The following IFT140 variants were observed in gnomAD, a reference collection of about 807,000 sequenced individuals.
IFT140 encodes the protein intraflagellar transport 140, also known as intraflagellar transport protein 140 homolog.
IFT140 carries 133 observed loss-of-function variants against 164.6 expected under a neutral mutation model. That is an observed-to-expected ratio of 0.81 (90% CI 0.70 to 0.93). IFT140 has a LOEUF of 0.93. Among genes scored for constraint, IFT140 ranks in the 40% least tolerant of loss-of-function variants. The probability of loss-of-function intolerance (pLI) is 0.00; values close to 1 mark genes in which losing one functional copy is unlikely to be tolerated. For synonymous variants in IFT140, 860 were observed against 817.3 expected, an observed-to-expected ratio of 1.05 and a Z score of -0.89; for missense variants, 2,045 against 1,972.3, an observed-to-expected ratio of 1.04 and a Z score of -0.70.
chr16:1,554,590 C>T (rs1596355713), intron 19 of IFT140, among the ~76,000 whole-genome samples: 1 of 152,142 alleles, frequency 6.6e-6, no homozygotes, highest in East Asian at 1.9e-4. Context: ...CCAGGGCAGC[C>T]GCCCCGTAAA....
At chr16:1,527,792 C>T (rs1404978374) in intron 19 of IFT140, among the ~76,000 whole-genome samples, 1 of 152,210 alleles carries the variant, frequency 6.6e-6, no homozygotes, top group Non-Finnish European at 1.5e-5. Context: ...AGGCTGGTCT[C>T]GAACTTCTGA....
intron 2 of IFT140, among the ~76,000 whole-genome samples, chr16:1,609,773 A>C (rs1041241066): frequency 2.6e-5 from 4 of 152,222 alleles, no homozygotes; most frequent in Non-Finnish European, 5.9e-5. Context: ...AGTTAACACA[A>C]GGAGGAGAGA....
intron 7 of IFT140, 99 bp downstream of exon 7, chr16:1,589,506 T>C: frequency 7.9e-7 from 1 of 1,264,408 alleles, no homozygotes; most frequent in South Asian, 1.4e-5. Flanking sequence ...TAGGCTTTTT[T>C]TCAGTCTTGC....
At chr16:1,606,506 G>A (rs376736727) in intron 3 of IFT140, among the ~76,000 whole-genome samples, 1 of 152,192 alleles carries the variant, frequency 6.6e-6, no homozygotes, top group Admixed American at 6.5e-5. Flanking sequence ...TGTTGCCCAG[G>A]CTGGAGCGCA....
intron 12 of IFT140, among the ~76,000 whole-genome samples, chr16:1,582,198 T>G (rs552138275): frequency 4.8e-4 from 73 of 152,276 alleles, no homozygotes; most frequent in African/African-American, 1.6e-3. Flanking sequence ...TGAATATTAC[T>G]TTATATGGCA....
intron 4 of IFT140, among the ~76,000 whole-genome samples, chr16:1,594,087 T>C (rs1378427795): frequency 6.6e-6 from 1 of 152,246 alleles, no homozygotes; most frequent in Admixed American, 6.5e-5. Context: ...ATGTATTCTG[T>C]TGCTCACATT....
intron 1 of IFT140, among the ~76,000 whole-genome samples, chr16:1,611,537 G>A (rs928711941): frequency 2.0e-5 from 3 of 149,702 alleles, no homozygotes; most frequent in Non-Finnish European, 3.0e-5. Flanking sequence ...AATTTGAGCC[G>A]GGCGCGGTGG....
intron 6 of IFT140, among the ~76,000 whole-genome samples, chr16:1,590,063 T>A (rs1372505434): frequency 6.6e-6 from 1 of 151,782 alleles, no homozygotes; most frequent in Non-Finnish European, 1.5e-5. Flanking sequence ...CAGGCGGGCG[T>A]GGTGGTATGT....
In IFT140 at chr16:1,534,607, A is replaced by C. The variant is rs768319235; in HGVS notation, c.2400-7811T>G. On this transcript the variant is annotated intron_variant, in intron 19 of 30. Coordinates refer to ENST00000426508, the MANE Select transcript of IFT140 (RefSeq NM_014714.4). Reference sequence around the variant, plus strand: ...TTCAGCGTGGCCGAGGCTCGAGGGCACATGGGAGATGTTAGGCGCGGACCT... The same window carrying C: ...TTCAGCGTGGCCGAGGCTCGAGGGCCCATGGGAGATGTTAGGCGCGGACCT... The C allele has an allele frequency of 8.2e-6, 13 of 1,594,436 alleles. 1 individual carries two copies. In the South Asian group the frequency reaches 1.1e-4, roughly 13 times the overall value.
intron 14 of IFT140, among the ~76,000 whole-genome samples, chr16:1,568,805 A>T (rs1005824878): frequency 3.9e-5 from 6 of 152,138 alleles, no homozygotes; most frequent in Admixed American, 3.3e-4. Context: ...GCCGTTCTAT[A>T]CCTGGAGTTT....
intron 6 of IFT140, 77 bp from the exon 7 acceptor site, chr16:1,589,857 C>G: frequency 7.6e-7 from 1 of 1,323,714 alleles, no homozygotes. Flanking sequence ...GCAGCCATTT[C>G]TATCAACTTA....
rs143739646 is a variant in IFT140, at chr16:1,567,670, G to A, written c.1770+547C>T. The stretch of plus-strand genomic sequence containing the variant: ...GATCAGTCACGGCCCTTGAACAAGC[G>A]AATGAACAAGGGAACCCGCACCAGC... On this transcript the variant is annotated intron_variant, in intron 15 of 30. Transcript: ENST00000426508. Among the ~76,000 whole-genome samples, 763 of 152,322 alleles carry A rather than the reference G, an allele frequency of 5.0e-3. 6 individuals carry two copies. The highest frequency in any genetic ancestry group is 7.3e-3 in the Admixed American group (112 of 15,302).
intron 4 of IFT140, among the ~76,000 whole-genome samples, chr16:1,596,607 T>C (rs1289163293): frequency 6.6e-6 from 1 of 152,166 alleles, no homozygotes; most frequent in African/African-American, 2.4e-5. Context: ...GAGGGACAGA[T>C]GTCTACTATC....
At chr16:1,528,997 C>T (rs1018937054) in intron 19 of IFT140, among the ~76,000 whole-genome samples, 2 of 152,134 alleles carry the variant, frequency 1.3e-5, no homozygotes, top group African/African-American at 4.8e-5. Context: ...ATGGTAGCCC[C>T]GGGCAGGCTC....
chr16:1,570,958 T>C (rs1161368001), intron 14 of IFT140, among the ~76,000 whole-genome samples: 1 of 152,194 alleles, frequency 6.6e-6, no homozygotes, highest in African/African-American at 2.4e-5. Flanking sequence ...GGTTTTGCTA[T>C]GTTGCCCAGG....
At chr16:1,585,224 T>G (rs987651702) in intron 10 of IFT140, among the ~76,000 whole-genome samples, 2 of 152,204 alleles carry the variant, frequency 1.3e-5, no homozygotes, top group African/African-American at 4.8e-5. Flanking sequence ...CAGCAGAGAA[T>G]GTGATTCAGC....
At chr16:1,530,131 A>ATTTT (rs2030295926) in intron 19 of IFT140, among the ~76,000 whole-genome samples, 1 of 126,538 alleles carries the variant, frequency 7.9e-6, no homozygotes, top group African/African-American at 3.7e-5. Flanking sequence ...CACGACGGGA[A>ATTTT]TCTTTTTTTT....
At chr16:1,539,574 C>T (rs2141272214) in intron 19 of IFT140, among the ~76,000 whole-genome samples, 1 of 152,394 alleles carries the variant, frequency 6.6e-6, no homozygotes, top group African/African-American at 2.4e-5. Flanking sequence ...GCCCCCGCGT[C>T]TTCTGTTCCT....
intron 6 of IFT140, 127 bp from the exon 7 acceptor site, chr16:1,589,907 TA>T: frequency 1.2e-6 from 1 of 853,166 alleles, no homozygotes; most frequent in Non-Finnish European, 1.8e-6. Context: ...TATAAGAACT[TA>T]AAAATGGGCC....
Sources: allele counts gnomAD v4.1 joint callset (sites outside exome capture counted in the v4.1 genomes callset), GRCh38; gene constraint gnomAD v4.1.1; transcripts MANE v1.5; gene names NCBI Gene and HGNC (gene_info 2026-07-23, HGNC 2026-07-21).